Variants in C1QTNF9B observed in about 807,000 individuals in gnomAD.
The protein encoded by C1QTNF9B is complement C1q and tumor necrosis factor-related protein 9B.
C1QTNF9B carries 9 observed loss-of-function variants against 10.1 expected under a neutral mutation model. The ratio of observed to expected loss-of-function variants is 0.89; its 90% CI spans 0.53 to 1.55. C1QTNF9B has a LOEUF of 1.55. Ranked by LOEUF, C1QTNF9B falls within the 40% of genes most tolerant of loss-of-function variation. C1QTNF9B has a pLI of 0.00. For missense variants in C1QTNF9B, 196 were observed against 414.4 expected (o/e 0.47, Z 4.58); for synonymous variants, 79 against 159.9 (o/e 0.49, Z 3.82).
chr13:23,891,611 A>G (rs1360194107), exon 3 of C1QTNF9B: 3 of 1,612,614 alleles, frequency 1.9e-6, no homozygotes. Context: ...TTCATTATAC[A>G]GGATCTTATC....
chr13:23,891,289 T>C, exon 3 of C1QTNF9B: 1 of 1,516,418 alleles, frequency 6.6e-7, no homozygotes, highest in Non-Finnish European at 8.9e-7. Context: ...CTCTCCTCTG[T>C]CACTGGCTGC....
intron 1 of C1QTNF9B, among the ~76,000 whole-genome samples, chr13:23,895,102 G>A (rs574438957): frequency 9.1e-4 from 138 of 152,178 alleles, no homozygotes; most frequent in African/African-American, 3.2e-3. Context: ...CTTGGTCAGC[G>A]TGGGACCTCT....
At chr13:23,892,163 A>G (rs9510925) in intron 2 of C1QTNF9B, 102 bp from the exon 5 acceptor site, 197,762 of 1,022,664 alleles carry the variant, frequency 0.19, 16,824 homozygotes, top group East Asian at 0.48. Context: ...ACAAAGTAGT[A>G]CACAGGTTCA....
At chr13:23,897,041 C>G, upstream of C1QTNF9B, 1 of 1,609,152 alleles carries the variant, frequency 6.2e-7, no homozygotes, top group South Asian at 1.1e-5. Flanking sequence ...GAGGAGAAAC[C>G]TTTGTTGCTG....
At chr13:23,896,773 G>C (rs1424508004) in intron 1 of C1QTNF9B, 48 bp downstream of exon 3, 1 of 1,608,492 alleles carries the variant, frequency 6.2e-7, no homozygotes. Context: ...TGAGATGAAA[G>C]TAATGAAGAG....
At chr13:23,896,443 G>T (rs955258854) in intron 1 of C1QTNF9B, among the ~76,000 whole-genome samples, 5 of 152,230 alleles carry the variant, frequency 3.3e-5, no homozygotes, top group Non-Finnish European at 7.3e-5. Flanking sequence ...TTCATGATCA[G>T]ATCTCTCTAT....
At chr13:23,895,942 G>T (rs1372920389) in intron 1 of C1QTNF9B, among the ~76,000 whole-genome samples, 1 of 152,156 alleles carries the variant, frequency 6.6e-6, no homozygotes, top group African/African-American at 2.4e-5. Context: ...CAGAGCAGAT[G>T]TGCCGGTTAG....
At chr13:23,894,308 C>T (rs1476603119) in intron 1 of C1QTNF9B, 107 bp from the exon 4 acceptor site, 1 of 1,036,318 alleles carries the variant, frequency 9.6e-7, no homozygotes, top group African/African-American at 1.5e-5. Flanking sequence ...GTGACCCCCG[C>T]CCTGACGGGC....
exon 2 of C1QTNF9B, chr13:23,894,195 G>T: frequency 6.7e-7 from 1 of 1,488,808 alleles, no homozygotes; most frequent in Non-Finnish European, 9.3e-7. Flanking sequence ...AGGACATCCT[G>T]GTTCTCCTAG....
chr13:23,894,101 A>C, intron 2 of C1QTNF9B, 38 bp downstream of exon 4: 1 of 1,385,234 alleles, frequency 7.2e-7, no homozygotes, highest in Non-Finnish European at 1.0e-6. Flanking sequence ...AATAGTCGAC[A>C]GCTCAGAATT....
At position 23,891,948 on chromosome 13, in the gene C1QTNF9B, G is replaced by C. The variant is rs200357262; in HGVS notation, c.343C>G (p.Arg115Gly). ...TGCCCCTGAGGCCCAGTCTCTCCTCGGAGGCCTTTCTCTCCCATGGGCCCT... is the reference window on the plus strand; with the variant it reads ...TGCCCCTGAGGCCCAGTCTCTCCTCCGAGGCCTTTCTCTCCCATGGGCCCT... The change falls in exon 3 of 3, where the codon CGA becomes GGA. Residue 115 changes from arginine to glycine, a missense_variant. Coordinates refer to ENST00000382137, the Ensembl canonical transcript of C1QTNF9B. 843 of 1,613,870 alleles carry C rather than the reference G, an allele frequency of 5.2e-4. No homozygotes were observed. Among genetic ancestry groups the C allele is most frequent in the Non-Finnish European group, 6.9e-4 (810 of 1,179,758 alleles).
At chr13:23,891,379 C>T (rs140946554) in exon 3 of C1QTNF9B, 9 of 1,581,320 alleles carry the variant, frequency 5.7e-6, no homozygotes, top group Non-Finnish European at 7.8e-6. Context: ...CTCCTGTCAC[C>T]TGCAGCCACA....
At chr13:23,891,523 A>G in exon 3 of C1QTNF9B, 1 of 1,608,270 alleles carries the variant, frequency 6.2e-7, no homozygotes, top group East Asian at 2.2e-5. Context: ...TGGAGAAAAC[A>G]GTGATGTGGT....
chr13:23,891,645 A>G (rs1871956372), exon 3 of C1QTNF9B: 1 of 1,613,580 alleles, frequency 6.2e-7, no homozygotes, highest in African/African-American at 1.3e-5. Flanking sequence ...ACATCTGAAG[A>G]AGGAAACTTG....
At chr13:23,897,046 T>C, upstream of C1QTNF9B, 1 of 1,607,184 alleles carries the variant, frequency 6.2e-7, no homozygotes, top group South Asian at 1.1e-5. Context: ...GAAACCTTTG[T>C]TGCTGGGGCC....
At position 23,891,197 on chromosome 13, in the gene C1QTNF9B, A is replaced by G; in HGVS notation, c.*92T>C. ...TCACCTTTTTATGATTATTGTAATA[A>G]TTGGAGGAATTAATAAAGTAAAACC... is the stretch of plus-strand genomic sequence containing the variant. On this transcript the variant is annotated 3_prime_UTR_variant, in exon 3 of 3. Transcript: ENST00000382137. 11 of 1,174,992 alleles carry G rather than the reference A, an allele frequency of 9.4e-6. 1 individual carries two copies. The highest frequency in any genetic ancestry group is 1.3e-5 in the Non-Finnish European group (11 of 859,144). The allele number at this position is 1,174,992 out of a possible 1,614,324, so 72.8% of individuals were successfully genotyped here.
chr13:23,894,592 T>C, intron 1 of C1QTNF9B: 1 of 489,602 alleles, frequency 2.0e-6, no homozygotes, highest in East Asian at 5.8e-5. Flanking sequence ...CCTCACTCTG[T>C]TTCTCTTCCA....
chr13:23,897,316 C>G (rs373033165), upstream of C1QTNF9B: 2 of 414,286 alleles, frequency 4.8e-6, no homozygotes. Context: ...CTCTTAACCA[C>G]AGACCAATGC....
intron 2 of C1QTNF9B, 136 bp from the exon 5 acceptor site, chr13:23,892,197 C>G (rs1176230694): frequency 2.1e-6 from 3 of 1,406,524 alleles, no homozygotes; most frequent in Non-Finnish European, 2.9e-6. Context: ...GTTTAAAATT[C>G]AATTACTCCA....
Sources: allele counts gnomAD v4.1 joint callset (sites outside exome capture counted in the v4.1 genomes callset), GRCh38; gene constraint gnomAD v4.1.1; transcripts MANE v1.5; gene names NCBI Gene and HGNC (gene_info 2026-07-23, HGNC 2026-07-21).